CTNS: variants seen among roughly 807,000 people sequenced by gnomAD.
CTNS encodes cystinosin, lysosomal cystine transporter, also known as cystinosin.
Under a neutral mutation model 43.7 loss-of-function variants are expected in CTNS, and 27 were observed. The ratio of observed to expected loss-of-function variants is 0.62; its 90% CI spans 0.46 to 0.85. The LOEUF (loss-of-function observed/expected upper bound fraction) is 0.85, where lower values mean the gene tolerates loss of function less well. Ranked by LOEUF, CTNS falls within the 40% of genes least tolerant of loss-of-function variation. The pLI is 0.00. For synonymous variants in CTNS, 187 were observed against 190.6 expected, an observed-to-expected ratio of 0.98 and a Z score of 0.16; for missense variants, 457 against 475.4, an observed-to-expected ratio of 0.96 and a Z score of 0.36.
intron 5 of CTNS, among the ~76,000 whole-genome samples, chr17:3,654,629 C>T (rs984300913): frequency 4.1e-5 from 6 of 147,738 alleles, no homozygotes; most frequent in Non-Finnish European, 5.9e-5. Flanking sequence ...TGCAGTGAGC[C>T]GAGATCACTC....
rs1597623099 is a variant in CTNS at position 3,648,560 on chromosome 17, A to C, written c.141-287A>C. Among the ~76,000 whole-genome samples, 3 of 152,326 alleles carry C rather than the reference A, an allele frequency of 2.0e-5. 1 individual carries two copies. In the East Asian group the frequency reaches 5.8e-4, roughly 29 times the overall value. ...TCTGGGAAGCCTTTCCCACCGGAGC[A>C]GGGAGCCACGGTCCTGGGCCTCCAG... On this transcript the variant is annotated intron_variant, in intron 4 of 11. Transcript: ENST00000046640.
intron 4 of CTNS, among the ~76,000 whole-genome samples, chr17:3,648,363 CCCAGGG>C (rs1186195819): frequency 5.3e-5 from 8 of 152,232 alleles, no homozygotes; most frequent in African/African-American, 1.9e-4. Context: ...GGCCTCTAAA[CCCAGGG>C]CCAGGGCCCA....
chr17:3,654,988 T>G lies in CTNS; in HGVS notation c.226-10T>G, dbSNP rs551187199. 1.2e-6 allele frequency: 2 copies of G among 1,603,882 alleles called. No homozygotes were observed. The highest frequency in any genetic ancestry group is 1.1e-5 in the South Asian group (1 of 90,906). On this transcript the variant is annotated splice_polypyrimidine_tract_variant and intron_variant, in intron 5 of 11. Transcript: ENST00000046640. ...CGTGGCATCGGATTGAACCTCAGTC[T>G]TCCTAACAGGTTGTGGTGCCTCCTG...
intron 5 of CTNS, chr17:3,650,409 G>C: frequency 6.6e-7 from 1 of 1,504,230 alleles, no homozygotes. Flanking sequence ...TTGAGCCCAG[G>C]AACTCAAGGC....
intron 5 of CTNS, 36 bp downstream of exon 5, chr17:3,648,967 G>T (rs200878193): frequency 1.5e-5 from 22 of 1,510,192 alleles, no homozygotes; most frequent in Non-Finnish European, 1.9e-5. Flanking sequence ...GTAGGGAAAT[G>T]CTAGGTAACA....
intron 5 of CTNS, among the ~76,000 whole-genome samples, chr17:3,652,627 C>T (rs1335737708): frequency 1.3e-5 from 2 of 152,136 alleles, no homozygotes; most frequent in Non-Finnish European, 2.9e-5. Context: ...GTCCCTGGCA[C>T]ATAGAAAGCA....
intron 8 of CTNS, 34 bp downstream of exon 8, chr17:3,656,620 A>C: frequency 6.2e-7 from 1 of 1,612,092 alleles, no homozygotes; most frequent in South Asian, 1.1e-5. Context: ...CTCTGCCCAC[A>C]TGGCGTGGTG....
chr17:3,638,394 C>T (rs938162014), intron 2 of CTNS, among the ~76,000 whole-genome samples: 2 of 151,968 alleles, frequency 1.3e-5, no homozygotes, highest in Non-Finnish European at 2.9e-5. Context: ...CATGCCACCA[C>T]GCCTGGCTAA....
Position 3,648,829 on chromosome 17 carries a change from G to T in CTNS, c.141-18G>T. The T allele has an allele frequency of 6.2e-7, 1 of 1,600,508 alleles. No homozygotes were observed. The highest frequency in any genetic ancestry group is 8.6e-7 in the Non-Finnish European group (1 of 1,167,520). On this transcript the variant is annotated intron_variant, in intron 4 of 11. Transcript: ENST00000046640. ...CTGTCCAGCTTCTCAGCAGTAATTAGACTCTTGTCCTCCACAGGCCACCAT... is the reference window on the plus strand; with the variant it reads ...CTGTCCAGCTTCTCAGCAGTAATTATACTCTTGTCCTCCACAGGCCACCAT...
chr17:3,645,553 T>C (rs568793441), intron 3 of CTNS, among the ~76,000 whole-genome samples: 1 of 152,102 alleles, frequency 6.6e-6, no homozygotes, highest in East Asian at 1.9e-4. Flanking sequence ...AGAGGTCAAA[T>C]TGGGTAACTT....
Position 3,660,480 on chromosome 17 carries a change from T to C in CTNS, c.*111T>C. ...GCCCTGGCACACAGGGCTGGCTCAG[T>C]GTGCGGACAGAGGAGACCACTCTGC... On this transcript the variant is annotated 3_prime_UTR_variant, in exon 12 of 12. Transcript: ENST00000046640. The C allele has an allele frequency of 2.5e-6, 4 of 1,612,864 alleles. No individual in the cohort carries two copies. The highest frequency in any genetic ancestry group is 3.4e-6 in the Non-Finnish European group (4 of 1,179,970).
chr17:3,655,211 T>A lies in CTNS; in HGVS notation c.330-10T>A, dbSNP rs767035242. 1.2e-6 allele frequency: 2 copies of A among 1,613,852 alleles called. No individual in the cohort carries two copies. Among genetic ancestry groups the A allele is most frequent in the South Asian group, 2.2e-5 (2 of 91,076 alleles). On this transcript the variant is annotated splice_polypyrimidine_tract_variant and intron_variant, in intron 6 of 11. Transcript: ENST00000046640. ...CCTCAGCTCATCCCGGTCCCCAAAC[T>A]CCTTTCCAGCCCGAGGATACGCTTT...
chr17:3,640,107 C>A, intron 2 of CTNS, 81 bp from the exon 3 acceptor site: 1 of 1,146,032 alleles, frequency 8.7e-7, no homozygotes, highest in Non-Finnish European at 1.3e-6. Flanking sequence ...GCCATCCATG[C>A]TCCAGAGGGC....
intron 3 of CTNS, among the ~76,000 whole-genome samples, chr17:3,641,985 A>C (rs1470519953): frequency 1.3e-5 from 2 of 150,604 alleles, no homozygotes; most frequent in African/African-American, 2.4e-5. Flanking sequence ...TGTAAGACTG[A>C]GGCTGGAGCA....
rs570668040 is a variant in CTNS at position 3,657,818 on chromosome 17, T to C, written c.682-187T>C. 99 of 639,042 alleles carry C rather than the reference T, an allele frequency of 1.5e-4. 1 individual carries two copies. In the South Asian group the frequency reaches 1.7e-3, roughly 11 times the overall value. The allele number at this position is 639,042 out of a possible 1,614,324, so 39.6% of individuals were successfully genotyped here. Reference sequence around the variant, plus strand: ...ATGTCCAGCACCAGCCCAGGTGTGATGCTTTCTGTGGTCCACATGTTCCCC... The same window carrying C: ...ATGTCCAGCACCAGCCCAGGTGTGACGCTTTCTGTGGTCCACATGTTCCCC... On this transcript the variant is annotated intron_variant, in intron 9 of 11. Transcript: ENST00000046640.
chr17:3,638,637 G>A (rs2075600213), intron 2 of CTNS, among the ~76,000 whole-genome samples: 1 of 152,186 alleles, frequency 6.6e-6, no homozygotes, highest in Non-Finnish European at 1.5e-5. Context: ...TGAGGCTTGG[G>A]AATGTTTGCT....
At position 3,655,401 on chromosome 17, in the gene CTNS, A is replaced by G. The variant is rs457419; in HGVS notation, c.461+49A>G. On this transcript the variant is annotated intron_variant, in intron 7 of 11. Coordinates refer to ENST00000046640, the MANE Select transcript of CTNS (RefSeq NM_004937.3). The stretch of plus-strand genomic sequence containing the variant: ...AGGCTCTCTCGGGGCCCCTAGGAGC[A>G]GGGCGTTCCAGCAAGGCTGCCGATA... The G allele has an allele frequency of 0.44, 705,285 of 1,611,318 alleles. 161,791 individuals are homozygous for G. Among genetic ancestry groups the G allele is most frequent in the Non-Finnish European group, 0.48 (562,646 of 1,179,520 alleles).
At chr17:3,640,635 CG>C (rs1196553280) in intron 3 of CTNS, among the ~76,000 whole-genome samples, 1 of 152,242 alleles carries the variant, frequency 6.6e-6, no homozygotes, top group Admixed American at 6.5e-5. Flanking sequence ...CAGTGGCTCA[CG>C]CCTATAATTC....
At chr17:3,649,834 G>A (rs894139312) in intron 5 of CTNS, among the ~76,000 whole-genome samples, 4 of 152,140 alleles carry the variant, frequency 2.6e-5, no homozygotes, top group African/African-American at 9.7e-5. Context: ...GGCAAATAAG[G>A]GTTTAAATAA....
Sources: gnomAD v4.1 joint callset for allele counts (sites outside exome capture counted in the v4.1 genomes callset) on GRCh38, gnomAD v4.1.1 for gene constraint, MANE v1.5 for transcripts, NCBI Gene and HGNC (gene_info 2026-07-23, HGNC 2026-07-21) for gene names.